CEP97: variants seen among roughly 807,000 people sequenced by gnomAD.
CEP97 encodes centrosomal protein 97, also known as centrosomal protein of 97 kDa.
In CEP97, 43 loss-of-function variants were observed where a neutral mutation model predicts 73.1. The observed-to-expected ratio is 0.59, with a 90% CI of 0.46 to 0.76. The LOEUF is 0.76. Among genes scored for constraint, CEP97 ranks in the 30% least tolerant of loss-of-function variants. CEP97 has a pLI of 0.00. For synonymous variants in CEP97, 337 were observed against 370.0 expected, an observed-to-expected ratio of 0.91 and a Z score of 1.02; for missense variants, 939 against 1,014.0, an observed-to-expected ratio of 0.93 and a Z score of 1.00.
intron 6 of CEP97, among the ~76,000 whole-genome samples, chr3:101,741,033 G>C (rs1191555011): frequency 6.6e-6 from 1 of 151,222 alleles, no homozygotes; most frequent in South Asian, 2.1e-4. Flanking sequence ...ACACTACAAG[G>C]CTACAGTAAC....
chr3:101,743,873 G>A (rs561472642), intron 6 of CEP97, among the ~76,000 whole-genome samples: 50 of 152,124 alleles, frequency 3.3e-4, no homozygotes, highest in East Asian at 1.7e-3. Flanking sequence ...GTATGGTCGC[G>A]CGTGCCTATA....
Position 101,731,759 on chromosome 3 carries a change from T to G in CEP97, c.448-81T>G, listed in dbSNP as rs556577786. 2.9e-4 allele frequency: 211 copies of G among 738,430 alleles called. 1 individual carries two copies. The African/African-American group carries it at 3.1e-3, about 11-fold the overall frequency. 45.7% of individuals were successfully genotyped at this position (738,430 alleles called of 1,614,324 possible). A position where few individuals can be genotyped will look rare whatever the true frequency, so the allele number is the denominator to read the frequency against. On this transcript the variant is annotated intron_variant, in intron 4 of 10. Coordinates refer to ENST00000341893, the MANE Select transcript of CEP97 (RefSeq NM_024548.4). Reference sequence around the variant, plus strand: ...TAAAGTAGATTCCTTTATTCTTATATGTACCATTTTGGTGTTGTCACAATA... The same window carrying G: ...TAAAGTAGATTCCTTTATTCTTATAGGTACCATTTTGGTGTTGTCACAATA...
intron 6 of CEP97, among the ~76,000 whole-genome samples, chr3:101,737,048 C>A (rs1209707185): frequency 6.6e-6 from 1 of 152,012 alleles, no homozygotes; most frequent in African/African-American, 2.4e-5. Flanking sequence ...GAAGCATACA[C>A]AAGTATCAAT....
rs113629885 is a variant in CEP97 at position 101,726,300 on chromosome 3, C to G, written c.44-294C>G. Among the ~76,000 whole-genome samples, 53 of 152,254 alleles carry G rather than the reference C, an allele frequency of 3.5e-4. 1 individual carries two copies. The highest frequency in any genetic ancestry group is 1.2e-3 in the African/African-American group (51 of 41,552). ...CAATAGTATCATTACTTAGGCACAA[C>G]AAATGGAAGTAATCGTCCATATTTA... On this transcript the variant is annotated intron_variant, in intron 1 of 10. Coordinates refer to ENST00000341893, the MANE Select transcript of CEP97 (RefSeq NM_024548.4).
At chr3:101,725,095 T>A (rs983461731) in intron 1 of CEP97, among the ~76,000 whole-genome samples, 1 of 152,234 alleles carries the variant, frequency 6.6e-6, no homozygotes, top group African/African-American at 2.4e-5. Context: ...GCTTCACACA[T>A]CTCCCTCTCT....
chr3:101,729,115 G>T (rs536095335), intron 4 of CEP97, among the ~76,000 whole-genome samples, 178 bp downstream of exon 4: 4 of 152,220 alleles, frequency 2.6e-5, no homozygotes, highest in African/African-American at 9.6e-5. Context: ...AGGCTGAGGC[G>T]AGTGGATGGC....
intron 6 of CEP97, among the ~76,000 whole-genome samples, chr3:101,751,422 A>G (rs939685736): frequency 1.2e-4 from 18 of 152,186 alleles, no homozygotes; most frequent in African/African-American, 2.2e-4. Context: ...GTAGATATCT[A>G]TTAGGTCCGC....
chr3:101,729,060 T>C, intron 4 of CEP97, 123 bp downstream of exon 4: 1 of 638,912 alleles, frequency 1.6e-6, no homozygotes, highest in East Asian at 2.8e-5. Flanking sequence ...ATAAGAATTA[T>C]GGGCTGGGCA....
chr3:101,757,776 T>A lies in CEP97; in HGVS notation c.1170T>A (p.Asp390Glu). 1.9e-6 allele frequency: 3 copies of A among 1,614,250 alleles called. No individual in the cohort carries two copies. The highest frequency in any genetic ancestry group is 2.5e-6 in the Non-Finnish European group (3 of 1,180,036). The change falls in exon 9 of 11, where the codon GAT becomes GAA. Residue 390 changes from aspartate to glutamate, a missense_variant. Asp to Glu is a conservative substitution (Grantham distance 45, BLOSUM62 2). Transcript: ENST00000341893. ...NDLHLEDIQT[D>E]EDKLNCSLLS... The stretch of plus-strand genomic sequence containing the variant: ...TGCACCTGGAAGACATACAGACGGA[T>A]GAGGACAAGTTAAACTGTAGTCTTC...
At chr3:101,738,011 C>CAAAAA (rs770745532) in intron 6 of CEP97, among the ~76,000 whole-genome samples, 104 of 44,188 alleles carry the variant, frequency 2.4e-3, no homozygotes, top group South Asian at 3.5e-3. Flanking sequence ...AAATGGAAAG[C>CAAAAA]AAAAAAAAAA....
At chr3:101,725,064 T>G (rs1312761133) in intron 1 of CEP97, among the ~76,000 whole-genome samples, 1 of 152,204 alleles carries the variant, frequency 6.6e-6, no homozygotes, top group Admixed American at 6.5e-5. Flanking sequence ...CTAAGCGAAA[T>G]GTTTGGGATC....
At chr3:101,750,113 T>G (rs1938758188) in intron 6 of CEP97, among the ~76,000 whole-genome samples, 1 of 141,154 alleles carries the variant, frequency 7.1e-6, no homozygotes, top group Non-Finnish European at 1.6e-5. Flanking sequence ...TCTTCTAGGG[T>G]TTTTATGGTT....
chr3:101,759,285 G>A (rs1192838434), intron 9 of CEP97: 1 of 152,260 alleles, frequency 6.6e-6, no homozygotes, highest in Non-Finnish European at 1.5e-5. Context: ...TAGGAGACAT[G>A]AGGTGCAAGC....
At chr3:101,745,832 G>T (rs1394412732) in intron 6 of CEP97, among the ~76,000 whole-genome samples, 1 of 151,730 alleles carries the variant, frequency 6.6e-6, no homozygotes, top group Non-Finnish European at 1.5e-5. Context: ...GTATACATGT[G>T]CCATGCTGGT....
At chr3:101,760,350 C>T (rs181938334) in intron 9 of CEP97, among the ~76,000 whole-genome samples, 14 of 152,138 alleles carry the variant, frequency 9.2e-5, no homozygotes, top group Admixed American at 8.5e-4. Context: ...TGAGAAAATG[C>T]TTAAAAGTGC....
intron 9 of CEP97, among the ~76,000 whole-genome samples, chr3:101,760,188 A>G (rs1183201936): frequency 6.6e-6 from 1 of 152,120 alleles, no homozygotes; most frequent in East Asian, 1.9e-4. Flanking sequence ...GTCCTGTCTG[A>G]TGCTGCTTCT....
chr3:101,741,087 T>G (rs547908940), intron 6 of CEP97, among the ~76,000 whole-genome samples: 1 of 152,110 alleles, frequency 6.6e-6, no homozygotes, highest in Admixed American at 6.5e-5. Context: ...TATAGACAAA[T>G]GGAACAGAAC....
chr3:101,763,134 G>C (rs997431671), intron 10 of CEP97: 1 of 1,217,010 alleles, frequency 8.2e-7, no homozygotes, highest in African/African-American at 1.6e-5. Context: ...ATATTGCCCA[G>C]GCCGGTCTCA....
At chr3:101,742,054 A>C (rs112755850) in intron 6 of CEP97, among the ~76,000 whole-genome samples, 34 of 149,038 alleles carry the variant, frequency 2.3e-4, no homozygotes, top group African/African-American at 3.9e-4. Context: ...AAAAAAAAAA[A>C]CAAAAAAACA....
Sources: gnomAD v4.1 joint callset for allele counts (sites outside exome capture counted in the v4.1 genomes callset) on GRCh38, gnomAD v4.1.1 for gene constraint, MANE v1.5 for transcripts, NCBI Gene and HGNC (gene_info 2026-07-23, HGNC 2026-07-21) for gene names.